PRKCH: variants seen among roughly 807,000 people sequenced by gnomAD.
PRKCH encodes the protein protein kinase C eta type.
Under a neutral mutation model 82.5 loss-of-function variants are expected in PRKCH, and 28 were observed. The observed-to-expected ratio is 0.34, with a 90% CI of 0.25 to 0.47. The LOEUF (loss-of-function observed/expected upper bound fraction) is 0.47, where lower values mean the gene tolerates loss of function less well. PRKCH is among the 20% of genes least tolerant of loss of function. The probability of loss-of-function intolerance (pLI) is 1.00; values close to 1 mark genes in which losing one functional copy is unlikely to be tolerated. For synonymous variants in PRKCH, 322 were observed against 327.4 expected (o/e 0.98, Z 0.18); for missense variants, 705 against 881.8 (o/e 0.80, Z 2.54).
At position 61,445,777 on chromosome 14, in the gene PRKCH, A is replaced by T. The variant is rs1428367847; in HGVS notation, c.613+51A>T. The T allele has an allele frequency of 2.0e-6, 3 of 1,525,272 alleles. No homozygotes were observed. In the African/African-American group the frequency reaches 4.1e-5, roughly 21 times the overall value. The allele number at this position is 1,525,272 out of a possible 1,614,324, so 94.5% of individuals were successfully genotyped here. A position where few individuals can be genotyped will look rare whatever the true frequency, so the allele number is the denominator to read the frequency against. On this transcript the variant is annotated intron_variant, in intron 4 of 13. Coordinates refer to ENST00000332981, the MANE Select transcript of PRKCH (RefSeq NM_006255.5). ...TTTCATTTTGTTCCTATGTTAAAAG[A>T]AATGATTATACCAAGAGAAAACAGG...
intron 6 of PRKCH, among the ~76,000 whole-genome samples, chr14:61,451,500 G>A (rs1217497051): frequency 1.3e-5 from 2 of 152,198 alleles, no homozygotes; most frequent in East Asian, 3.8e-4. Context: ...CCTGGGTCTT[G>A]TGAAAGAGAT....
At chr14:61,217,786 G>A (rs2140050526) in intron 1 of PRKCH, among the ~76,000 whole-genome samples, 1 of 152,294 alleles carries the variant, frequency 6.6e-6, no homozygotes, top group Non-Finnish European at 1.5e-5. Flanking sequence ...CCACAGGGCT[G>A]GCTCAGATGT....
intron 1 of PRKCH, among the ~76,000 whole-genome samples, chr14:61,347,411 A>G (rs1256445044): frequency 6.6e-6 from 1 of 152,094 alleles, no homozygotes; most frequent in Admixed American, 6.5e-5. Context: ...ACCTGCCTTC[A>G]TCTGCTTTCT....
At chr14:61,409,953 G>A (rs916350701) in intron 2 of PRKCH, among the ~76,000 whole-genome samples, 4 of 152,132 alleles carry the variant, frequency 2.6e-5, no homozygotes, top group Non-Finnish European at 5.9e-5. Context: ...CTGATCAAAT[G>A]TTGCCTGTCA....
chr14:61,291,775 G>A (rs1180299978), intron 1 of PRKCH, among the ~76,000 whole-genome samples: 2 of 152,114 alleles, frequency 1.3e-5, no homozygotes, highest in Non-Finnish European at 2.9e-5. Context: ...ACCTTGAAAC[G>A]CGGTGGTATT....
intron 1 of PRKCH, chr14:61,279,971 C>T (rs2045241237): frequency 1.2e-6 from 1 of 848,066 alleles, no homozygotes; most frequent in Non-Finnish European, 1.8e-6. Context: ...CTGGTCCCCT[C>T]ATTCACAAAG....
chr14:61,227,888 A>G (rs1194728693), intron 1 of PRKCH, among the ~76,000 whole-genome samples: 1 of 152,194 alleles, frequency 6.6e-6, no homozygotes. Flanking sequence ...TGAGTAAAAT[A>G]TATTTGAAAA....
intron 1 of PRKCH, among the ~76,000 whole-genome samples, chr14:61,375,539 G>C (rs2046418093): frequency 6.6e-6 from 1 of 151,986 alleles, no homozygotes; most frequent in Admixed American, 6.5e-5. Context: ...GATTTCTGCA[G>C]GCTGTACAAC....
At chr14:61,528,984 GT>G in intron 10 of PRKCH, 90 bp from the exon 11 acceptor site, 2 of 1,187,114 alleles carry the variant, frequency 1.7e-6, no homozygotes, top group East Asian at 2.5e-5. Flanking sequence ...GTGTGTGTGT[GT>G]GTGTGTGTGT....
chr14:61,299,994 A>G (rs553780543), intron 1 of PRKCH: 2 of 152,374 alleles, frequency 1.3e-5, no homozygotes, highest in African/African-American at 4.8e-5. Flanking sequence ...TTTGGGAAGT[A>G]ATTCCATTGC....
At chr14:61,317,827 C>T (rs1473790822), upstream of PRKCH, among the ~76,000 whole-genome samples, 6 of 152,096 alleles carry the variant, frequency 3.9e-5, no homozygotes, top group African/African-American at 1.4e-4. Context: ...CATTCTCTTC[C>T]TATCTTCCCA....
chr14:61,395,189 G>C (rs1229788558), intron 2 of PRKCH, among the ~76,000 whole-genome samples: 1 of 151,790 alleles, frequency 6.6e-6, no homozygotes, highest in Admixed American at 6.6e-5. Context: ...CTGGGGCTCA[G>C]CTTGAGCTTG....
chr14:61,349,819 C>A (rs1594935950), intron 1 of PRKCH, among the ~76,000 whole-genome samples: 2 of 152,204 alleles, frequency 1.3e-5, no homozygotes, highest in East Asian at 3.9e-4. Flanking sequence ...TGAGATCATG[C>A]CACTGCCCTC....
intron 10 of PRKCH, among the ~76,000 whole-genome samples, chr14:61,515,717 A>C (rs1486370260): frequency 1.3e-5 from 2 of 152,162 alleles, no homozygotes; most frequent in Admixed American, 6.5e-5. Flanking sequence ...CAGATGTGTC[A>C]CTTAATAGTA....
intron 1 of PRKCH, among the ~76,000 whole-genome samples, chr14:61,366,393 C>A (rs1423022999): frequency 6.6e-6 from 1 of 152,082 alleles, no homozygotes; most frequent in African/African-American, 2.4e-5. Flanking sequence ...GCCAGGCATC[C>A]TTTTCTGTTT....
chr14:61,532,782 C>T (rs899100588), intron 12 of PRKCH, among the ~76,000 whole-genome samples: 3 of 152,214 alleles, frequency 2.0e-5, no homozygotes, highest in African/African-American at 7.2e-5. Flanking sequence ...GAAACAGCCT[C>T]TGGTGCCTAA....
intron 10 of PRKCH, among the ~76,000 whole-genome samples, chr14:61,505,480 A>T (rs1423245980): frequency 7.7e-6 from 1 of 129,444 alleles, no homozygotes; most frequent in Non-Finnish European, 1.5e-5. Flanking sequence ...GCTTCAAGCA[A>T]TTCTCCTGCC....
intron 9 of PRKCH, among the ~76,000 whole-genome samples, chr14:61,470,882 CA>C (rs1306814958): frequency 6.6e-6 from 1 of 152,168 alleles, no homozygotes; most frequent in Admixed American, 6.5e-5. Flanking sequence ...CGTCGCTGTG[CA>C]GTGAATCCTG....
At chr14:61,403,401 T>A (rs1273128765) in intron 2 of PRKCH, among the ~76,000 whole-genome samples, 1 of 152,242 alleles carries the variant, frequency 6.6e-6, no homozygotes. Context: ...AAAAAATATG[T>A]ACAGTTAGGT....
Sources: gnomAD v4.1 joint callset for allele counts (sites outside exome capture counted in the v4.1 genomes callset) on GRCh38, gnomAD v4.1.1 for gene constraint, MANE v1.5 for transcripts, NCBI Gene and HGNC (gene_info 2026-07-23, HGNC 2026-07-21) for gene names.